The following SLC16A14 variants were observed in gnomAD, a reference collection of about 807,000 sequenced individuals.
The protein encoded by SLC16A14 is solute carrier family 16 member 14, also known as monocarboxylate transporter 14.
Under a neutral mutation model 35.8 loss-of-function variants are expected in SLC16A14, and 14 were observed. The ratio of observed to expected loss-of-function variants is 0.39; its 90% CI spans 0.26 to 0.61. The LOEUF is 0.61. Ranked by LOEUF, SLC16A14 falls within the 20% of genes least tolerant of loss-of-function variation. The pLI is 0.51. For synonymous variants in SLC16A14, 248 were observed against 258.9 expected (o/e 0.96, Z 0.40); for missense variants, 533 against 655.0 (o/e 0.81, Z 2.03).
At chr2:230,047,374 C>A (rs1001887770) in intron 3 of SLC16A14, among the ~76,000 whole-genome samples, 1 of 140,360 alleles carries the variant, frequency 7.1e-6, no homozygotes, top group Non-Finnish European at 1.5e-5. Flanking sequence ...TGCAATGGTG[C>A]GATCACAGCT....
At chr2:230,052,560 G>C (rs1263446919) in intron 2 of SLC16A14, among the ~76,000 whole-genome samples, 5 of 151,832 alleles carry the variant, frequency 3.3e-5, no homozygotes, top group Non-Finnish European at 7.4e-5. Flanking sequence ...TTCACAGAAA[G>C]GGCCCAGAAG....
intron 1 of SLC16A14, among the ~76,000 whole-genome samples, chr2:230,062,856 C>T (rs1351495061): frequency 6.6e-6 from 1 of 152,164 alleles, no homozygotes; most frequent in African/African-American, 2.4e-5. Context: ...ATTATTCCAT[C>T]TCCTCAACAG....
At chr2:230,041,417 A>G (rs1385264003) in intron 4 of SLC16A14, among the ~76,000 whole-genome samples, 1 of 152,092 alleles carries the variant, frequency 6.6e-6, no homozygotes, top group Non-Finnish European at 1.5e-5. Flanking sequence ...GCATGATCTC[A>G]GCTCACTGTA....
intron 1 of SLC16A14, chr2:230,066,988 T>A (rs927696288): frequency 5.9e-6 from 1 of 168,610 alleles, no homozygotes; most frequent in Non-Finnish European, 1.3e-5. Flanking sequence ...TCATTACACA[T>A]AAGGAAAGCG....
chr2:230,035,703 G>A lies in SLC16A14; in HGVS notation c.*1677C>T, dbSNP rs1450131083. The A allele has an allele frequency of 1.3e-5, 2 of 152,120 alleles. No homozygotes were observed. Among genetic ancestry groups the A allele is most frequent in the African/African-American group, 2.4e-5 (1 of 41,430 alleles). The allele number at this position is 152,120 out of a possible 1,614,324, so 9.4% of individuals were successfully genotyped here. A position where few individuals can be genotyped will look rare whatever the true frequency, so the allele number is the denominator to read the frequency against. On this transcript the variant is annotated 3_prime_UTR_variant, in exon 5 of 5. Transcript: ENST00000295190. ...CTATAATAATTTACAGGCAATTCCC[G>A]AGTCATTGGAGGTAATATTAAGTAT...
chr2:230,058,614 C>T (rs144652384), intron 2 of SLC16A14, among the ~76,000 whole-genome samples: 54 of 151,464 alleles, frequency 3.6e-4, no homozygotes, highest in African/African-American at 1.3e-3. Context: ...TAATGGGACT[C>T]AAAATGCTTA....
chr2:230,042,083 G>A, intron 4 of SLC16A14, among the ~76,000 whole-genome samples: 1 of 152,232 alleles, frequency 6.6e-6, no homozygotes, highest in Non-Finnish European at 1.5e-5. Context: ...GTCCCCTTTA[G>A]CTTGCTGGCC....
Position 230,035,129 on chromosome 2 carries a change from T to C in SLC16A14, c.*2251A>G, listed in dbSNP as rs2077510946. 1 of 152,238 alleles carries C rather than the reference T, an allele frequency of 6.6e-6. No homozygotes were observed. Among genetic ancestry groups the C allele is most frequent in the African/African-American group, 2.4e-5 (1 of 41,468 alleles). 9.4% of individuals were successfully genotyped at this position (152,238 alleles called of 1,614,324 possible). A position where few individuals can be genotyped will look rare whatever the true frequency, so the allele number is the denominator to read the frequency against. On this transcript the variant is annotated 3_prime_UTR_variant, in exon 5 of 5. Transcript: ENST00000295190. ...GGCAAATAACATAAACAGGAAATAT[T>C]TGCAGTAATTCTTTACAGTATTCTC...
At chr2:230,049,501 A>G (rs2077639560) in intron 3 of SLC16A14, among the ~76,000 whole-genome samples, 1 of 152,204 alleles carries the variant, frequency 6.6e-6, no homozygotes. Context: ...ATTGGCATTT[A>G]GAACCAGGCA....
intron 1 of SLC16A14, among the ~76,000 whole-genome samples, chr2:230,061,028 T>C (rs1202357475): frequency 6.6e-6 from 1 of 152,118 alleles, no homozygotes; most frequent in Admixed American, 6.6e-5. Flanking sequence ...CAAGTGGAAA[T>C]GATTGCTGGG....
intron 1 of SLC16A14, among the ~76,000 whole-genome samples, chr2:230,064,828 T>G (rs2077779968): frequency 6.6e-6 from 1 of 152,120 alleles, no homozygotes; most frequent in Non-Finnish European, 1.5e-5. Flanking sequence ...CTGACCAACA[T>G]GGAGAAACCC....
At chr2:230,067,373 T>C (rs184672395) in intron 1 of SLC16A14, 220 of 152,416 alleles carry the variant, frequency 1.4e-3, no homozygotes, top group Admixed American at 3.0e-3. Context: ...GGCATGAATG[T>C]CCGCATTTTA....
intron 2 of SLC16A14, among the ~76,000 whole-genome samples, chr2:230,057,029 C>T (rs1244769995): frequency 1.3e-5 from 2 of 152,002 alleles, no homozygotes; most frequent in Admixed American, 6.6e-5. Flanking sequence ...TGCATACTCG[C>T]ACAAAACCGA....
At chr2:230,051,230 G>A (rs1270426808) in intron 2 of SLC16A14, among the ~76,000 whole-genome samples, 2 of 152,134 alleles carry the variant, frequency 1.3e-5, no homozygotes, top group Non-Finnish European at 2.9e-5. Context: ...GTGTGATCAC[G>A]GCTCACTGCA....
Position 230,036,030 on chromosome 2 carries a change from T to TTGAC in SLC16A14, c.*1346_*1349dup, listed in dbSNP as rs2077516316. 1 of 152,614 alleles carries TTGAC rather than the reference T, an allele frequency of 6.6e-6. No individual in the cohort carries two copies. The highest frequency in any genetic ancestry group is 6.5e-5 in the Admixed American group (1 of 15,272). 9.5% of individuals were successfully genotyped at this position (152,614 alleles called of 1,614,324 possible). A position where few individuals can be genotyped will look rare whatever the true frequency, so the allele number is the denominator to read the frequency against. On this transcript the variant is annotated 3_prime_UTR_variant, in exon 5 of 5. Transcript: ENST00000295190. ...TGGGCTGTATTCACTTTAGGTAAAT[T>TTGAC]TGACCTAAGACACTGGCAATGATAT... is the stretch of plus-strand genomic sequence containing the variant.
chr2:230,043,145 T>C (rs1009019250), intron 4 of SLC16A14, among the ~76,000 whole-genome samples: 42 of 152,220 alleles, frequency 2.8e-4, no homozygotes, highest in African/African-American at 9.4e-4. Context: ...TCCGTTGCTA[T>C]AGTCAATTTT....
At chr2:230,040,524 A>G (rs778120284) in intron 4 of SLC16A14, among the ~76,000 whole-genome samples, 6 of 152,032 alleles carry the variant, frequency 3.9e-5, no homozygotes, top group Non-Finnish European at 8.8e-5. Flanking sequence ...TCCCGGCCAA[A>G]TTCATTATTA....
At chr2:230,064,987 G>A (rs1379904554) in intron 1 of SLC16A14, among the ~76,000 whole-genome samples, 1 of 152,156 alleles carries the variant, frequency 6.6e-6, no homozygotes, top group Non-Finnish European at 1.5e-5. Context: ...TCCAGCCTGG[G>A]CAACAAGAGT....
Position 230,068,571 on chromosome 2 carries a change from G to A in SLC16A14, c.-31C>T, listed in dbSNP as rs2077823647. The A allele has an allele frequency of 6.5e-6, 1 of 152,826 alleles. No homozygotes were observed. Among genetic ancestry groups the A allele is most frequent in the South Asian group, 2.1e-4 (1 of 4,832 alleles). The allele number at this position is 152,826 out of a possible 1,614,324, so 9.5% of individuals were successfully genotyped here. On this transcript the variant is annotated 5_prime_UTR_variant, in exon 1 of 5. Coordinates refer to ENST00000295190, the MANE Select transcript of SLC16A14 (RefSeq NM_152527.5). The surrounding 1 kb of genome is among the most constrained non-coding windows in gnomAD (Gnocchi z 5.1). ...GATACTCACCGCCCGAGGCCCGCTG[G>A]GCTGCGGCCTCACTCGGCTCCACGC...
Sources: allele counts gnomAD v4.1 joint callset (sites outside exome capture counted in the v4.1 genomes callset), GRCh38; gene constraint gnomAD v4.1.1; non-coding constraint Gnocchi (gnomAD v3.1); transcripts MANE v1.5; gene names NCBI Gene and HGNC (gene_info 2026-07-23, HGNC 2026-07-21).